PLEKHA7: variants seen among roughly 807,000 people sequenced by gnomAD.
PLEKHA7 encodes the protein pleckstrin homology domain containing A7.
In PLEKHA7, 104 loss-of-function variants were observed where a neutral mutation model predicts 170.0. The observed-to-expected ratio is 0.61, with a 90% confidence interval of 0.52 to 0.72. The LOEUF (loss-of-function observed/expected upper bound fraction) is 0.72, where lower values mean the gene tolerates loss of function less well. PLEKHA7 is among the 30% of genes least tolerant of loss of function. The pLI is 0.00. For missense variants in PLEKHA7, 1,615 were observed against 1,671.7 expected (o/e 0.97, Z 0.59); for synonymous variants, 648 against 660.8 (o/e 0.98, Z 0.30).
intron 3 of PLEKHA7, among the ~76,000 whole-genome samples, chr11:16,918,961 A>G (rs1310119478): frequency 6.6e-6 from 1 of 152,190 alleles, no homozygotes; most frequent in East Asian, 1.9e-4. Flanking sequence ...CTATAATGCC[A>G]GCACTTTGGG....
chr11:16,786,497 A>G (rs1261407516), intron 23 of PLEKHA7, 110 bp from the exon 24 acceptor site: 1 of 1,495,440 alleles, frequency 6.7e-7, no homozygotes, highest in Non-Finnish European at 8.9e-7. Context: ...TGATCCCCTT[A>G]GGGAAAAGCT....
At chr11:16,957,689 A>ATATTTTTTTTTTTTTTT (rs1420004461) in intron 3 of PLEKHA7, among the ~76,000 whole-genome samples, 8 of 118,224 alleles carry the variant, frequency 6.8e-5, no homozygotes, top group South Asian at 2.7e-4. Context: ...TACCTCAATA[A>ATATTTTTTTTTTTTTTT]TTTTTTTCTT....
intron 3 of PLEKHA7, among the ~76,000 whole-genome samples, chr11:17,004,709 A>G (rs1308157341): frequency 6.6e-6 from 1 of 152,084 alleles, no homozygotes; most frequent in Admixed American, 6.6e-5. Context: ...ACAACTTTAG[A>G]GAAGTCACTT....
At chr11:16,927,021 G>C (rs970649079) in intron 3 of PLEKHA7, among the ~76,000 whole-genome samples, 8 of 151,972 alleles carry the variant, frequency 5.3e-5, no homozygotes, top group African/African-American at 1.9e-4. Flanking sequence ...TAAAATAAGA[G>C]GTTGGGTCAG....
At chr11:16,938,569 C>T (rs534326419) in intron 3 of PLEKHA7, among the ~76,000 whole-genome samples, 3 of 151,936 alleles carry the variant, frequency 2.0e-5, no homozygotes, top group Admixed American at 2.0e-4. Flanking sequence ...CCCTTTATAC[C>T]TTTGAAAGGC....
intron 3 of PLEKHA7, among the ~76,000 whole-genome samples, chr11:16,898,171 C>A (rs760515788): frequency 2.6e-5 from 4 of 152,174 alleles, no homozygotes; most frequent in Non-Finnish European, 5.9e-5. Flanking sequence ...CCCACATTCT[C>A]CCACTCTTTC....
intron 9 of PLEKHA7, among the ~76,000 whole-genome samples, chr11:16,829,988 T>TA (rs1564976489): frequency 6.6e-5 from 10 of 151,726 alleles, no homozygotes; most frequent in Admixed American, 6.6e-4. Context: ...TTTTTTTTTT[T>TA]CTTTTTCTGA....
intron 4 of PLEKHA7, among the ~76,000 whole-genome samples, chr11:16,868,255 C>A (rs1311867737): frequency 1.3e-5 from 2 of 152,188 alleles, no homozygotes; most frequent in Non-Finnish European, 2.9e-5. Context: ...CCTAGCCTAT[C>A]CTGACTGATT....
chr11:16,913,104 C>T (rs1300219582), intron 3 of PLEKHA7, among the ~76,000 whole-genome samples: 2 of 152,230 alleles, frequency 1.3e-5, no homozygotes, highest in African/African-American at 4.8e-5. Context: ...CTTTCCCTCC[C>T]ACAATGACAG....
In PLEKHA7 at chr11:16,789,900, C is replaced by T; in HGVS notation, c.3053-22G>A. On this transcript the variant is annotated intron_variant, in intron 21 of 26. Transcript: ENST00000531066. The surrounding 1 kb of genome is among the most constrained non-coding windows in gnomAD (Gnocchi z 4.6). Reference sequence around the variant, plus strand: ...AGCCCTTAGTGAGGAAAGAGAAGTGCAAGCATGTTTGTGCTGGGGTGGATG... The same window carrying T: ...AGCCCTTAGTGAGGAAAGAGAAGTGTAAGCATGTTTGTGCTGGGGTGGATG... 1 of 1,604,284 alleles carries T rather than the reference C, an allele frequency of 6.2e-7. No individual in the cohort carries two copies. The highest frequency in any genetic ancestry group is 8.5e-7 in the Non-Finnish European group (1 of 1,171,202).
At chr11:16,937,212 C>A (rs1310575644) in intron 3 of PLEKHA7, among the ~76,000 whole-genome samples, 1 of 152,208 alleles carries the variant, frequency 6.6e-6, no homozygotes, top group Non-Finnish European at 1.5e-5. Context: ...GAAGACACTA[C>A]AAGAATCAGT....
chr11:16,973,437 C>CAACTGCA (rs1200749925), intron 3 of PLEKHA7, among the ~76,000 whole-genome samples: 2 of 152,224 alleles, frequency 1.3e-5, no homozygotes, highest in East Asian at 1.9e-4. Flanking sequence ...ATGCAACTGC[C>CAACTGCA]TCAAACTCTC....
intron 3 of PLEKHA7, among the ~76,000 whole-genome samples, chr11:17,003,303 G>C (rs972120257): frequency 7.5e-4 from 114 of 152,160 alleles, no homozygotes; most frequent in African/African-American, 2.6e-3. Flanking sequence ...AGGTTGTGCA[G>C]TTTTTATTGG....
intron 3 of PLEKHA7, among the ~76,000 whole-genome samples, chr11:16,919,596 G>A (rs1858938044): frequency 6.6e-6 from 1 of 151,958 alleles, no homozygotes; most frequent in South Asian, 2.1e-4. Context: ...CCCAGGAGTT[G>A]GATGCTGCAG....
At chr11:16,953,559 C>T (rs1270243583) in intron 3 of PLEKHA7, among the ~76,000 whole-genome samples, 3 of 152,176 alleles carry the variant, frequency 2.0e-5, no homozygotes, top group Non-Finnish European at 2.9e-5. Flanking sequence ...GGATCACATG[C>T]TTGACAGGTA....
chr11:16,782,172 C>CAG (rs397965722), intron 26 of PLEKHA7, among the ~76,000 whole-genome samples: 1 of 150,878 alleles, frequency 6.6e-6, no homozygotes, highest in Non-Finnish European at 1.5e-5. Flanking sequence ...CACACACACA[C>CAG]CCACACACAC....
intron 3 of PLEKHA7, among the ~76,000 whole-genome samples, chr11:16,873,530 G>A (rs959976840): frequency 6.6e-6 from 1 of 152,190 alleles, no homozygotes; most frequent in Non-Finnish European, 1.5e-5. Context: ...TTGGCAGACA[G>A]CAGACTAGTC....
At chr11:16,928,443 A>ATT (rs764854359) in intron 3 of PLEKHA7, among the ~76,000 whole-genome samples, 10 of 138,836 alleles carry the variant, frequency 7.2e-5, no homozygotes, top group Admixed American at 2.2e-4. Context: ...TTGCCCCCAG[A>ATT]TTTTTTTTTT....
intron 9 of PLEKHA7, among the ~76,000 whole-genome samples, chr11:16,838,597 C>T (rs368492774): frequency 1.8e-4 from 27 of 149,752 alleles, no homozygotes; most frequent in African/African-American, 5.9e-4. Context: ...TAATCAGATA[C>T]TATTTATGTA....
Sources: allele counts gnomAD v4.1 joint callset (sites outside exome capture counted in the v4.1 genomes callset), GRCh38; gene constraint gnomAD v4.1.1; non-coding constraint Gnocchi (gnomAD v3.1); transcripts MANE v1.5; gene names NCBI Gene and HGNC (gene_info 2026-07-23, HGNC 2026-07-21).